PAM: variants seen among roughly 807,000 people sequenced by gnomAD.
The protein encoded by PAM is peptidyl-glycine alpha-amidating monooxygenase.
A neutral mutation model predicts 122.1 loss-of-function variants in PAM; 72 were observed. The observed-to-expected ratio is 0.59, with a 90% CI of 0.49 to 0.72. The LOEUF is 0.72. Ranked by LOEUF, PAM falls within the 30% of genes least tolerant of loss-of-function variation. The pLI is 0.00. For synonymous variants in PAM, 389 were observed against 404.4 expected (o/e 0.96, Z 0.46); for missense variants, 1,106 against 1,183.7 (o/e 0.93, Z 0.96).
chr5:102,952,157 A>G (rs1327951647), intron 12 of PAM, among the ~76,000 whole-genome samples: 1 of 142,984 alleles, frequency 7.0e-6, no homozygotes, highest in East Asian at 2.2e-4. Flanking sequence ...ATTGACTTAC[A>G]AGTTTTAAGT....
chr5:102,969,953 G>A (rs1258971526), intron 14 of PAM, among the ~76,000 whole-genome samples: 2 of 152,078 alleles, frequency 1.3e-5, no homozygotes, highest in Non-Finnish European at 1.5e-5. Flanking sequence ...CATGATGGAC[G>A]GTAAAAAGAG....
intron 4 of PAM, 105 bp from the exon 5 acceptor site, chr5:102,913,829 A>C (rs916684161): frequency 8.9e-6 from 6 of 671,258 alleles, no homozygotes; most frequent in Non-Finnish European, 1.6e-5. Context: ...ACATCAAAAC[A>C]TCTTTGTTAT....
rs1351734912 is a variant in PAM, at chr5:102,950,817, T to C, written c.902T>C (p.Ile301Thr). Reference sequence around the variant, plus strand: ...GAAGGAAGGACAGAAGCCACACACATTGGGTATGATTCTATACATTCCACT... The same window carrying C: ...GAAGGAAGGACAGAAGCCACACACACTGGGTATGATTCTATACATTCCACT... ...TGEGRTEATH[I>T]GGTSSDEMCN... is the part of the protein sequence containing the mutation. Residue 301 changes from isoleucine to threonine, a missense_variant, in exon 12 of 26, where the codon ATT becomes ACT. Coordinates refer to ENST00000438793, the MANE Select transcript of PAM (RefSeq NM_001177306.2). 6.4e-7 allele frequency: 1 copy of C among 1,562,662 alleles called. No individual in the cohort carries two copies. The highest frequency in any genetic ancestry group is 1.7e-5 in the Admixed American group (1 of 59,800).
At chr5:102,973,383 T>C (rs1473671489) in intron 14 of PAM, among the ~76,000 whole-genome samples, 3 of 152,138 alleles carry the variant, frequency 2.0e-5, no homozygotes, top group African/African-American at 7.2e-5. Context: ...AGAATTGGAG[T>C]CTCATACCCA....
chr5:102,758,328 G>C (rs1193427746), intron 1 of PAM, among the ~76,000 whole-genome samples: 2 of 152,036 alleles, frequency 1.3e-5, no homozygotes, highest in Non-Finnish European at 2.9e-5. Flanking sequence ...GGCAGGCTGA[G>C]GGGCAGCCTG....
At chr5:102,978,425 A>G (rs1768511119) in intron 15 of PAM, among the ~76,000 whole-genome samples, 3 of 152,206 alleles carry the variant, frequency 2.0e-5, no homozygotes, top group African/African-American at 7.2e-5. Flanking sequence ...TTAATAGAGT[A>G]GAAACAAAAT....
intron 22 of PAM, among the ~76,000 whole-genome samples, chr5:103,018,498 G>A (rs1185984103): frequency 6.6e-6 from 1 of 152,134 alleles, no homozygotes; most frequent in Non-Finnish European, 1.5e-5. Flanking sequence ...TGAGTGAGCA[G>A]AGATGCCCAT....
intron 15 of PAM, among the ~76,000 whole-genome samples, chr5:102,986,909 G>A (rs1425033168): frequency 6.6e-6 from 1 of 152,148 alleles, no homozygotes; most frequent in East Asian, 1.9e-4. Context: ...ATGATTGTGA[G>A]GCCTCCCCAG....
At chr5:102,850,814 A>G (rs551909471) in intron 1 of PAM, among the ~76,000 whole-genome samples, 1 of 152,310 alleles carries the variant, frequency 6.6e-6, no homozygotes, top group East Asian at 1.9e-4. Flanking sequence ...CGCCCTGCAA[A>G]AAACCAGATA....
intron 3 of PAM, among the ~76,000 whole-genome samples, chr5:102,884,567 A>G (rs1792345517): frequency 6.6e-6 from 1 of 151,958 alleles, no homozygotes; most frequent in Admixed American, 6.6e-5. Flanking sequence ...AACAAAAGTG[A>G]TTCTCTTTGC....
At chr5:102,885,009 G>C (rs1792501334) in intron 3 of PAM, among the ~76,000 whole-genome samples, 1 of 151,496 alleles carries the variant, frequency 6.6e-6, no homozygotes, top group South Asian at 2.1e-4. Flanking sequence ...ATGTTTCTGA[G>C]AGATTGGAGT....
intron 1 of PAM, among the ~76,000 whole-genome samples, chr5:102,786,117 C>G (rs1211397915): frequency 6.6e-6 from 1 of 152,166 alleles, no homozygotes; most frequent in Non-Finnish European, 1.5e-5. Context: ...TGAACACATT[C>G]ATTTTCAGAG....
chr5:102,829,466 G>T (rs976019225), intron 1 of PAM, among the ~76,000 whole-genome samples: 1 of 147,318 alleles, frequency 6.8e-6, no homozygotes, highest in Non-Finnish European at 1.5e-5. Flanking sequence ...CCGCCTCCCC[G>T]GCTCACACCA....
intron 23 of PAM, among the ~76,000 whole-genome samples, chr5:103,022,758 A>C (rs1356681911): frequency 6.6e-6 from 1 of 152,106 alleles, no homozygotes; most frequent in Non-Finnish European, 1.5e-5. Flanking sequence ...TAGATGCTCC[A>C]AATTACTGGG....
rs1785525434 is a variant in PAM at position 102,866,272 on chromosome 5, C to G, written c.77C>G (p.Ser26Cys). 22 of 1,609,294 alleles carry G rather than the reference C, an allele frequency of 1.4e-5. No individual in the cohort carries two copies. Among genetic ancestry groups the G allele is most frequent in the Non-Finnish European group, 1.7e-5 (20 of 1,175,800 alleles). The change falls in exon 2 of 26, where the codon TCT becomes TGT. Residue 26 changes from serine to cysteine, a missense_variant. Physicochemically the swap from Ser to Cys is moderately radical, Grantham distance 112. Around this residue, in one of 3 missense-constraint regions of PAM, gnomAD observed 670 missense variants for 690.3 expected, o/e 0.97. Coordinates refer to ENST00000438793, the MANE Select transcript of PAM (RefSeq NM_001177306.2). The stretch of plus-strand genomic sequence containing the variant: ...TGTTTGGCTTTCCGAAGCCCACTTT[C>G]TGTCTTTAAGAGGTGGGTGTTCGTT... ...SSCLAFRSPL[S>C]VFKRFKETTR...
At chr5:102,907,986 A>G (rs1451966850) in intron 4 of PAM, among the ~76,000 whole-genome samples, 1 of 151,802 alleles carries the variant, frequency 6.6e-6, no homozygotes, top group Non-Finnish European at 1.5e-5. Flanking sequence ...ATTAGATCCC[A>G]TTTGTCAATT....
At chr5:103,027,428 T>C (rs1785264238) in intron 24 of PAM, among the ~76,000 whole-genome samples, 1 of 152,158 alleles carries the variant, frequency 6.6e-6, no homozygotes, top group South Asian at 2.1e-4. Flanking sequence ...GGCCTGACTT[T>C]CCTGACCATA....
At chr5:102,778,860 C>T (rs1048559971) in intron 1 of PAM, among the ~76,000 whole-genome samples, 7 of 152,160 alleles carry the variant, frequency 4.6e-5, no homozygotes, top group African/African-American at 1.2e-4. Context: ...CAGGTTTACC[C>T]GTTTGTGTTT....
intron 23 of PAM, among the ~76,000 whole-genome samples, chr5:103,022,668 T>C (rs1403132111): frequency 1.3e-5 from 2 of 152,124 alleles, no homozygotes; most frequent in Non-Finnish European, 2.9e-5. Flanking sequence ...GACAAAAGAA[T>C]GGTCATTCTA....
Sources: allele counts gnomAD v4.1 joint callset (sites outside exome capture counted in the v4.1 genomes callset), GRCh38; gene constraint gnomAD v4.1.1; regional missense constraint gnomAD v4.1.1; transcripts MANE v1.5; gene names NCBI Gene and HGNC (gene_info 2026-07-23, HGNC 2026-07-21).